Variants in EML5 observed in about 807,000 individuals in gnomAD.
EML5 encodes echinoderm microtubule-associated protein-like 5.
A neutral mutation model predicts 250.0 loss-of-function variants in EML5; 120 were observed. The observed-to-expected ratio is 0.48, with a 90% CI of 0.41 to 0.56. The LOEUF (loss-of-function observed/expected upper bound fraction) is 0.56, where lower values mean the gene tolerates loss of function less well. Ranked by LOEUF, EML5 falls within the 20% of genes least tolerant of loss-of-function variation. The pLI is 0.00. For missense variants in EML5, 2,006 were observed against 2,437.6 expected, an observed-to-expected ratio of 0.82 and a Z score of 3.73; for synonymous variants, 771 against 806.5, an observed-to-expected ratio of 0.96 and a Z score of 0.75.
At chr14:88,626,503 A>G in intron 35 of EML5, 1 of 245,414 alleles carries the variant, frequency 4.1e-6, no homozygotes, top group Non-Finnish European at 8.0e-6. Flanking sequence ...CCTGCCCTGT[A>G]GTCCCAGCTA....
chr14:88,653,374 G>A (rs1178384250), intron 27 of EML5, among the ~76,000 whole-genome samples: 9 of 152,156 alleles, frequency 5.9e-5, no homozygotes, highest in South Asian at 2.1e-4. Context: ...GTCTTGTGCC[G>A]GTTTTCAAAG....
rs970448142 is a variant in EML5 at position 88,706,301 on chromosome 14, G to A, written c.1783C>T (p.Pro595Ser). 6.2e-7 allele frequency: 1 copy of A among 1,608,942 alleles called. No individual in the cohort carries two copies. The highest frequency in any genetic ancestry group is 8.5e-7 in the Non-Finnish European group (1 of 1,177,858). ...ACAGCATCTTTCAGTTTTCTTTCAGGAATAAATTTCCACTGAAAGACAGAG... is the reference window on the plus strand; with the variant it reads ...ACAGCATCTTTCAGTTTTCTTTCAGAAATAAATTTCCACTGAAAGACAGAG... ...DHSVFQWKFI[P>S]ERKLKDAVHI... Residue 595 changes from proline (P) to serine (S), a missense_variant, in exon 11 of 44, where the codon CCT becomes TCT. Around this residue, in one of 7 missense-constraint regions of EML5, gnomAD observed 1,375 missense variants for 1,590.3 expected, o/e 0.86. Transcript: ENST00000554922.
intron 7 of EML5, among the ~76,000 whole-genome samples, 158 bp downstream of exon 7, chr14:88,736,206 G>A (rs958103855): frequency 3.9e-5 from 6 of 152,060 alleles, no homozygotes; most frequent in Non-Finnish European, 5.9e-5. Context: ...TCACTATGTT[G>A]GCCAGGATGG....
chr14:88,626,685 T>A, intron 35 of EML5, 153 bp downstream of exon 35: 4 of 781,146 alleles, frequency 5.1e-6, no homozygotes, highest in Non-Finnish European at 7.9e-6. Flanking sequence ...CTGAAAGAAC[T>A]AGATTTTTGA....
chr14:88,661,480 T>C, intron 25 of EML5, among the ~76,000 whole-genome samples, 174 bp downstream of exon 25: 1 of 152,324 alleles, frequency 6.6e-6, no homozygotes, highest in African/African-American at 2.4e-5. Context: ...ATGTATGGGA[T>C]TATAAATTAC....
chr14:88,622,245 T>C (rs902462197), intron 37 of EML5: 1 of 181,058 alleles, frequency 5.5e-6, no homozygotes, highest in African/African-American at 2.3e-5. Flanking sequence ...TTTCATTGTT[T>C]GTTTACTGCA....
chr14:88,653,810 T>C (rs1346474880), intron 27 of EML5, among the ~76,000 whole-genome samples: 2 of 152,238 alleles, frequency 1.3e-5, no homozygotes, highest in Non-Finnish European at 2.9e-5. Flanking sequence ...GCAGACCTCA[T>C]AAAATGAGTT....
intron 21 of EML5, among the ~76,000 whole-genome samples, chr14:88,673,421 T>C (rs1359651904): frequency 6.6e-6 from 1 of 152,188 alleles, no homozygotes; most frequent in Non-Finnish European, 1.5e-5. Flanking sequence ...GTGAGTATCA[T>C]ACTGAATGGG....
Position 88,620,529 on chromosome 14 carries a change from C to G in EML5, c.5375+225G>C. ...TAAGTGTTAACATGAATTCATCAAACATTACCTACTAGTACTTGCTATTAT... is the reference window on the plus strand; with the variant it reads ...TAAGTGTTAACATGAATTCATCAAAGATTACCTACTAGTACTTGCTATTAT... On this transcript the variant is annotated intron_variant, in intron 39 of 43. Coordinates refer to ENST00000554922, the MANE Select transcript of EML5 (RefSeq NM_183387.3). The surrounding 1 kb of genome is among the most constrained non-coding windows in gnomAD (Gnocchi z 4.3). 1 of 381,108 alleles carries G rather than the reference C, an allele frequency of 2.6e-6. No homozygotes were observed. The allele number at this position is 381,108 out of a possible 1,614,324, so 23.6% of individuals were successfully genotyped here.
intron 1 of EML5, among the ~76,000 whole-genome samples, chr14:88,775,632 T>G (rs1177171565): frequency 6.6e-6 from 1 of 152,130 alleles, no homozygotes; most frequent in Non-Finnish European, 1.5e-5. Context: ...GGTTTTTGAC[T>G]CTAGTCCCTG....
intron 7 of EML5, among the ~76,000 whole-genome samples, chr14:88,735,949 G>A (rs2140193092): frequency 6.7e-6 from 1 of 150,028 alleles, no homozygotes; most frequent in African/African-American, 2.4e-5. Context: ...TATTACTTAT[G>A]TTCATTTGTT....
chr14:88,715,253 G>A (rs746438466), intron 8 of EML5, 58 bp from the exon 9 acceptor site: 126 of 1,464,034 alleles, frequency 8.6e-5, no homozygotes, highest in South Asian at 4.9e-4. Flanking sequence ...AATTAATGCC[G>A]TTTCAAACAT....
At chr14:88,634,199 T>TTC (rs1475644691) in intron 33 of EML5, among the ~76,000 whole-genome samples, 1 of 152,132 alleles carries the variant, frequency 6.6e-6, no homozygotes, top group Non-Finnish European at 1.5e-5. Flanking sequence ...TACCTCCCCT[T>TTC]TCTCTCTCTT....
intron 21 of EML5, among the ~76,000 whole-genome samples, chr14:88,678,696 A>G (rs2092651905): frequency 6.6e-6 from 1 of 152,164 alleles, no homozygotes; most frequent in African/African-American, 2.4e-5. Context: ...CACGGGTTAT[A>G]TTGTTTTGAA....
At chr14:88,697,298 G>C (rs1181866466) in intron 14 of EML5, among the ~76,000 whole-genome samples, 1 of 152,072 alleles carries the variant, frequency 6.6e-6, no homozygotes, top group African/African-American at 2.4e-5. Flanking sequence ...CAAACTCACT[G>C]GAAAAACAGG....
intron 27 of EML5, among the ~76,000 whole-genome samples, chr14:88,652,085 C>T (rs2091654994): frequency 6.6e-6 from 1 of 152,158 alleles, no homozygotes; most frequent in African/African-American, 2.4e-5. Context: ...CTATACGATG[C>T]TGCATTCTAG....
intron 8 of EML5, among the ~76,000 whole-genome samples, chr14:88,722,959 T>C (rs971816645): frequency 1.3e-5 from 2 of 151,976 alleles, no homozygotes; most frequent in African/African-American, 4.8e-5. Flanking sequence ...TGGTGAGAGA[T>C]TATAGAATCT....
intron 33 of EML5, 30 bp from the exon 34 acceptor site, chr14:88,627,849 A>T (rs1204949223): frequency 4.6e-6 from 7 of 1,531,892 alleles, no homozygotes; most frequent in Non-Finnish European, 6.2e-6. Context: ...AAAAGTTGTA[A>T]TCTACCTGTT....
intron 2 of EML5, among the ~76,000 whole-genome samples, chr14:88,750,338 T>C (rs981823048): frequency 2.0e-5 from 3 of 152,162 alleles, no homozygotes; most frequent in Non-Finnish European, 2.9e-5. Context: ...TTAAAGGAGT[T>C]AGAGTGCCTG....
Sources: allele counts gnomAD v4.1 joint callset (sites outside exome capture counted in the v4.1 genomes callset), GRCh38; gene constraint gnomAD v4.1.1; regional missense constraint gnomAD v4.1.1; non-coding constraint Gnocchi (gnomAD v3.1); transcripts MANE v1.5; gene names NCBI Gene and HGNC (gene_info 2026-07-23, HGNC 2026-07-21).